The following SCML4 variants were observed in gnomAD, a reference collection of about 807,000 sequenced individuals.
SCML4 encodes the protein sex comb on midleg-like protein 4.
Under a neutral mutation model 41.1 loss-of-function variants are expected in SCML4, and 34 were observed. The observed-to-expected ratio is 0.83, with a 90% CI of 0.63 to 1.10. The LOEUF (loss-of-function observed/expected upper bound fraction) is 1.10, where lower values mean the gene tolerates loss of function less well. Among genes scored for constraint, SCML4 ranks in the 50% least tolerant of loss-of-function variants. The pLI is 0.00. For synonymous variants in SCML4, 214 were observed against 220.9 expected, an observed-to-expected ratio of 0.97 and a Z score of 0.28; for missense variants, 522 against 534.1, an observed-to-expected ratio of 0.98 and a Z score of 0.22.
At chr6:107,742,993 G>A (rs78264449) in intron 5 of SCML4, among the ~76,000 whole-genome samples, 2,206 of 152,268 alleles carry the variant, frequency 0.014, 20 homozygotes, top group Non-Finnish European at 0.024. Context: ...TAAGAGATAG[G>A]TAATATCAAA....
chr6:107,771,715 T>C (rs1780535116), intron 2 of SCML4, among the ~76,000 whole-genome samples: 1 of 152,252 alleles, frequency 6.6e-6, no homozygotes, highest in South Asian at 2.1e-4. Context: ...GACTTTCCCA[T>C]GTCCTTTGAC....
At chr6:107,733,548 C>T (rs983353530) in intron 5 of SCML4, among the ~76,000 whole-genome samples, 25 of 152,158 alleles carry the variant, frequency 1.6e-4, no homozygotes, top group Admixed American at 1.6e-3. Flanking sequence ...CATTCTAACC[C>T]TAGTTCTCAA....
At chr6:107,798,724 T>C (rs965440951) in intron 1 of SCML4, among the ~76,000 whole-genome samples, 2 of 152,072 alleles carry the variant, frequency 1.3e-5, no homozygotes, top group Admixed American at 6.5e-5. Context: ...AATGTGAATA[T>C]TTAAAACCAC....
intron 1 of SCML4, among the ~76,000 whole-genome samples, chr6:107,781,873 CTG>C (rs940570854): frequency 3.9e-5 from 6 of 152,150 alleles, no homozygotes; most frequent in African/African-American, 1.4e-4. Context: ...ACTCTCAACT[CTG>C]TTGTTGGATG....
intron 1 of SCML4, among the ~76,000 whole-genome samples, chr6:107,793,641 T>C (rs1782504764): frequency 6.6e-6 from 1 of 152,166 alleles, no homozygotes; most frequent in Non-Finnish European, 1.5e-5. Context: ...GGTAAGGATA[T>C]TACAGCCTAT....
At chr6:107,747,121 A>G (rs1439663987) in intron 3 of SCML4, among the ~76,000 whole-genome samples, 1 of 152,244 alleles carries the variant, frequency 6.6e-6, no homozygotes, top group African/African-American at 2.4e-5. Context: ...GGTTGGAAAC[A>G]GTTGGATAGG....
At chr6:107,799,631 C>A (rs1049193910) in intron 1 of SCML4, among the ~76,000 whole-genome samples, 2 of 152,020 alleles carry the variant, frequency 1.3e-5, no homozygotes, top group African/African-American at 4.8e-5. Flanking sequence ...CCTTTTTTCT[C>A]TTTTCCTGCC....
chr6:107,705,971 C>T (rs1301852933), intron 7 of SCML4, among the ~76,000 whole-genome samples: 1 of 152,200 alleles, frequency 6.6e-6, no homozygotes, highest in Admixed American at 6.5e-5. Context: ...CTCCAGAATG[C>T]ATGTGGAGTT....
Position 107,716,991 on chromosome 6 carries a change from G to A in SCML4, c.973+3712C>T, listed in dbSNP as rs529552625. Reference sequence around the variant, plus strand: ...CTGCGGTTTTATTTAGCACCCTGAGGAAGGCACTGGTTAAAAGGAATCTTT... The same window carrying A: ...CTGCGGTTTTATTTAGCACCCTGAGAAAGGCACTGGTTAAAAGGAATCTTT... On this transcript the variant is annotated intron_variant, in intron 6 of 7. Transcript: ENST00000369020. 5.3e-5 allele frequency among the ~76,000 whole-genome samples: 8 copies of A among 152,024 alleles called. No homozygotes were observed. In the South Asian group the frequency reaches 1.7e-3, roughly 32 times the overall value.
intron 1 of SCML4, among the ~76,000 whole-genome samples, chr6:107,777,132 T>C (rs1781016512): frequency 6.6e-6 from 1 of 152,194 alleles, no homozygotes; most frequent in South Asian, 2.1e-4. Context: ...TGTTTTGTTT[T>C]GTTTGAGATG....
At chr6:107,796,184 A>G (rs1583607320) in intron 1 of SCML4, among the ~76,000 whole-genome samples, 1 of 152,220 alleles carries the variant, frequency 6.6e-6, no homozygotes, top group Admixed American at 6.5e-5. Context: ...TTTCCTGGAT[A>G]ATTACCTGGG....
chr6:107,803,367 T>A (rs1314083601), intron 1 of SCML4, among the ~76,000 whole-genome samples: 1 of 151,128 alleles, frequency 6.6e-6, no homozygotes, highest in Non-Finnish European at 1.5e-5. Context: ...CCACCCCGTC[T>A]GGGAGGGAGG....
At chr6:107,746,667 T>C (rs1554209659) in intron 4 of SCML4, 22 bp downstream of exon 4, 8 of 1,607,454 alleles carry the variant, frequency 5.0e-6, no homozygotes, top group Non-Finnish European at 6.8e-6. Flanking sequence ...GGCCTCCTCA[T>C]GCAACCTGCC....
chr6:107,786,300 C>T (rs1200744500), intron 1 of SCML4, among the ~76,000 whole-genome samples: 1 of 152,132 alleles, frequency 6.6e-6, no homozygotes, highest in Non-Finnish European at 1.5e-5. Flanking sequence ...GGAGCTTATC[C>T]TCTCTCCCAC....
At position 107,705,097 on chromosome 6, in the gene SCML4, T is replaced by C. The variant is rs1773471889; in HGVS notation, c.*103A>G. On this transcript the variant is annotated 3_prime_UTR_variant, in exon 8 of 8. Coordinates refer to ENST00000369020, the MANE Select transcript of SCML4 (RefSeq NM_198081.5). ...GACCACGTCTCTGTGGCTGTTAATT[T>C]TAAGAGGAGAGTCTAGTTTGTGATG... The C allele has an allele frequency of 9.2e-7, 1 of 1,087,454 alleles. No homozygotes were observed. The highest frequency in any genetic ancestry group is 1.4e-6 in the Non-Finnish European group (1 of 732,796). The allele number at this position is 1,087,454 out of a possible 1,614,324, so 67.4% of individuals were successfully genotyped here. A position where few individuals can be genotyped will look rare whatever the true frequency, so the allele number is the denominator to read the frequency against.
rs1583404948 is a variant in SCML4 at position 107,721,070 on chromosome 6, A to C, written c.683-77T>G. 27 of 1,491,762 alleles carry C rather than the reference A, an allele frequency of 1.8e-5. No individual in the cohort carries two copies. In the Admixed American group the frequency reaches 1.9e-4, roughly 11 times the overall value. 92.4% of individuals were successfully genotyped at this position (1,491,762 alleles called of 1,614,324 possible). ...GCTATCAGACCCTCCGTCTTGGCAA[A>C]CCCTGCCCTGCCAACACAGTAGCCA... is the stretch of plus-strand genomic sequence containing the variant. On this transcript the variant is annotated intron_variant, in intron 5 of 7. Coordinates refer to ENST00000369020, the MANE Select transcript of SCML4 (RefSeq NM_198081.5).
intron 5 of SCML4, among the ~76,000 whole-genome samples, chr6:107,727,047 C>A (rs994684375): frequency 1.3e-5 from 2 of 152,148 alleles, no homozygotes; most frequent in Non-Finnish European, 2.9e-5. Context: ...TCTGTTATAT[C>A]CATACAACAA....
chr6:107,733,046 C>T (rs370699658), intron 5 of SCML4, among the ~76,000 whole-genome samples: 9 of 152,322 alleles, frequency 5.9e-5, no homozygotes, highest in East Asian at 5.8e-4. Context: ...TCATTGGAAA[C>T]TCAGTCCTGC....
At chr6:107,810,754 C>T (rs7773622) in intron 1 of SCML4, among the ~76,000 whole-genome samples, 26,743 of 152,018 alleles carry the variant, frequency 0.18, 2,584 homozygotes, top group African/African-American at 0.25. Flanking sequence ...CCCCCAACCC[C>T]AAAAATCATA....
Sources: allele counts gnomAD v4.1 joint callset (sites outside exome capture counted in the v4.1 genomes callset), GRCh38; gene constraint gnomAD v4.1.1; transcripts MANE v1.5; gene names NCBI Gene and HGNC (gene_info 2026-07-23, HGNC 2026-07-21).